VPS13C: variants seen among roughly 807,000 people sequenced by gnomAD.
VPS13C encodes the protein vacuolar protein sorting 13 homolog C.
In VPS13C, 358 loss-of-function variants were observed where a neutral mutation model predicts 456.8. That is an observed-to-expected ratio of 0.78 (90% CI 0.72 to 0.86). VPS13C has a LOEUF of 0.86. VPS13C is among the 40% of genes least tolerant of loss of function. VPS13C has a pLI of 0.00. For synonymous variants in VPS13C, 1,578 were observed against 1,486.7 expected (o/e 1.06, Z -1.41); for missense variants, 4,818 against 4,385.4 (o/e 1.10, Z -2.79).
At chr15:62,007,072 T>C (rs1222883192) in intron 15 of VPS13C, among the ~76,000 whole-genome samples, 1 of 152,166 alleles carries the variant, frequency 6.6e-6, no homozygotes, top group Admixed American at 6.5e-5. Context: ...CCAGTCACCT[T>C]TCCCCAAATT....
intron 82 of VPS13C, among the ~76,000 whole-genome samples, chr15:61,862,419 T>C (rs1894275638): frequency 6.6e-6 from 1 of 152,150 alleles, no homozygotes; most frequent in Non-Finnish European, 1.5e-5. Flanking sequence ...TACTAAGTAT[T>C]ACCAATAAGT....
intron 1 of VPS13C, among the ~76,000 whole-genome samples, chr15:62,048,014 T>C (rs1388895185): frequency 1.3e-5 from 2 of 151,188 alleles, no homozygotes; most frequent in Non-Finnish European, 2.9e-5. Context: ...ATAGAAGTCA[T>C]AGAAAGTTCT....
chr15:61,939,229 G>C (rs979054543), intron 47 of VPS13C, among the ~76,000 whole-genome samples: 1 of 152,160 alleles, frequency 6.6e-6, no homozygotes, highest in Non-Finnish European at 1.5e-5. Flanking sequence ...CTTTGAAAGG[G>C]AGAGCCAAAT....
chr15:61,968,821 C>A (rs761480115), intron 28 of VPS13C, among the ~76,000 whole-genome samples: 5 of 152,078 alleles, frequency 3.3e-5, no homozygotes, highest in Non-Finnish European at 5.9e-5. Context: ...ACAAGGCCTT[C>A]AATAACATAT....
At chr15:61,963,535 G>C (rs2045282766) in intron 32 of VPS13C, among the ~76,000 whole-genome samples, 1 of 151,758 alleles carries the variant, frequency 6.6e-6, no homozygotes, top group Non-Finnish European at 1.5e-5. Context: ...CTAAAATCTA[G>C]ACTGACACTT....
At chr15:62,017,927 GTTC>G (rs1330796628) in intron 9 of VPS13C, among the ~76,000 whole-genome samples, 1 of 152,184 alleles carries the variant, frequency 6.6e-6, no homozygotes, top group Non-Finnish European at 1.5e-5. Context: ...AGCATGGAAT[GTTC>G]TTCCATTTGT....
intron 9 of VPS13C, among the ~76,000 whole-genome samples, chr15:62,020,096 GCACA>G (rs1006136659): frequency 6.8e-6 from 1 of 147,830 alleles, no homozygotes; most frequent in African/African-American, 2.6e-5. Flanking sequence ...ATGAGTGTGC[GCACA>G]CACACACACA....
chr15:61,925,391 T>G (rs889235877), intron 53 of VPS13C, 65 bp downstream of exon 53: 2 of 937,954 alleles, frequency 2.1e-6, no homozygotes, highest in East Asian at 3.0e-5. Context: ...CTGTCTCAAC[T>G]GCAAATATGC....
At chr15:61,934,031 G>T (rs1012634382) in intron 49 of VPS13C, among the ~76,000 whole-genome samples, 188 bp downstream of exon 49, 23 of 151,996 alleles carry the variant, frequency 1.5e-4, no homozygotes, top group African/African-American at 4.6e-4. Context: ...CCTTAGCCTT[G>T]GAAGATTAGA....
At chr15:61,994,652 T>C (rs1409480463) in intron 16 of VPS13C, among the ~76,000 whole-genome samples, 2 of 151,696 alleles carry the variant, frequency 1.3e-5, no homozygotes, top group African/African-American at 4.9e-5. Context: ...TGCAATGGCA[T>C]GGTCTCGGCT....
intron 66 of VPS13C, among the ~76,000 whole-genome samples, chr15:61,902,278 CGTA>C (rs796138791): frequency 2.0e-5 from 3 of 148,200 alleles, no homozygotes; most frequent in Non-Finnish European, 4.5e-5. Context: ...AGAAAAAAAA[CGTA>C]AAAAAAAAAA....
chr15:61,903,347 A>G (rs1272811393), intron 66 of VPS13C, among the ~76,000 whole-genome samples: 1 of 152,004 alleles, frequency 6.6e-6, no homozygotes, highest in Non-Finnish European at 1.5e-5. Flanking sequence ...AAAAAAAAAA[A>G]TCAACTGCAT....
At position 61,958,638 on chromosome 15, in the gene VPS13C, C is replaced by T. The variant is rs2045089753; in HGVS notation, c.4135G>A (p.Asp1379Asn). ...TCTTGTACTCTTGGTTTCACTTTAT[C>T]CAAGTCTTCAGTACCCTCACAGAGA... is the stretch of plus-strand genomic sequence containing the variant. ...ENLCEGTEDL[D>N]KVKPRVQETG... Residue 1379 changes from aspartate to asparagine, a missense_variant, in exon 37 of 85, where the codon GAT becomes AAT. By Grantham distance (23) the Asp-to-Asn change is conservative (BLOSUM62 1). This residue lies in a region of VPS13C where 4,552 missense variants were observed against 4,130.6 expected (regional missense o/e 1.10). Coordinates refer to ENST00000644861, the MANE Select transcript of VPS13C (RefSeq NM_020821.3). 6.3e-7 allele frequency: 1 copy of T among 1,578,370 alleles called. No homozygotes were observed. Among genetic ancestry groups the T allele is most frequent in the Non-Finnish European group, 8.6e-7 (1 of 1,166,434 alleles).
chr15:61,980,187 A>G (rs2045837428), intron 22 of VPS13C, among the ~76,000 whole-genome samples: 1 of 115,372 alleles, frequency 8.7e-6, no homozygotes, highest in Non-Finnish European at 1.7e-5. Context: ...CCATCTCAAA[A>G]AAAAAAAAAA....
chr15:62,059,801 T>C (rs918126897), intron 1 of VPS13C, among the ~76,000 whole-genome samples: 1 of 152,198 alleles, frequency 6.6e-6, no homozygotes, highest in Non-Finnish European at 1.5e-5. Flanking sequence ...GGAACCCAGT[T>C]CTTGCTCCCT....
At chr15:61,987,759 A>G (rs2046099803) in intron 18 of VPS13C, among the ~76,000 whole-genome samples, 1 of 152,230 alleles carries the variant, frequency 6.6e-6, no homozygotes, top group South Asian at 2.1e-4. Context: ...TGTGGTCAAG[A>G]ATATGTAGCA....
At chr15:61,874,409 A>T (rs997138409) in intron 77 of VPS13C, among the ~76,000 whole-genome samples, 13 of 152,122 alleles carry the variant, frequency 8.5e-5, no homozygotes, top group Non-Finnish European at 1.8e-4. Context: ...ATCACTACAT[A>T]TTGTATACAT....
chr15:61,976,673 GT>G (rs1394681859), intron 24 of VPS13C, among the ~76,000 whole-genome samples: 2 of 151,928 alleles, frequency 1.3e-5, no homozygotes, highest in African/African-American at 4.8e-5. Context: ...CAATATAGCT[GT>G]TTTTTAAAAA....
intron 2 of VPS13C, 85 bp downstream of exon 2, chr15:62,044,127 C>A: frequency 1.2e-6 from 1 of 853,980 alleles, no homozygotes; most frequent in Non-Finnish European, 1.8e-6. Flanking sequence ...TTATCTAGTA[C>A]ATGGTATCAG....
Sources: allele counts gnomAD v4.1 joint callset (sites outside exome capture counted in the v4.1 genomes callset), GRCh38; gene constraint gnomAD v4.1.1; regional missense constraint gnomAD v4.1.1; transcripts MANE v1.5; gene names NCBI Gene and HGNC (gene_info 2026-07-23, HGNC 2026-07-21).